The following ITPK1 variants were observed in gnomAD, a reference collection of about 807,000 sequenced individuals.
ITPK1 encodes the protein inositol-tetrakisphosphate 1-kinase.
ITPK1 carries 21 observed loss-of-function variants against 45.3 expected under a neutral mutation model. The ratio of observed to expected loss-of-function variants is 0.46; its 90% CI spans 0.33 to 0.67. ITPK1 has a LOEUF of 0.67. Ranked by LOEUF, ITPK1 falls within the 30% of genes least tolerant of loss-of-function variation. The pLI, the probability that ITPK1 is intolerant of heterozygous loss-of-function variation, is 0.02. For synonymous variants in ITPK1, 258 were observed against 253.6 expected (o/e 1.02, Z -0.16); for missense variants, 474 against 573.5 (o/e 0.83, Z 1.77).
chr14:93,001,682 A>G (rs1887361573), intron 4 of ITPK1, among the ~76,000 whole-genome samples: 1 of 152,226 alleles, frequency 6.6e-6, no homozygotes, highest in Admixed American at 6.5e-5. Flanking sequence ...TACCCTTGAC[A>G]GAAGAACTGA....
rs2139680160 is a variant in ITPK1 at position 92,936,921 on chromosome 14, G to A, written c.*4640C>T. The A allele has an allele frequency of 6.6e-6, 1 of 152,272 alleles. No homozygotes were observed. The highest frequency in any genetic ancestry group is 2.1e-4 in the South Asian group (1 of 4,828). The allele number at this position is 152,272 out of a possible 1,614,324, so 9.4% of individuals were successfully genotyped here. A position where few individuals can be genotyped will look rare whatever the true frequency, so the allele number is the denominator to read the frequency against. ...ACAGAAGGACACCCTCCGAACGGCT[G>A]GCGCTATTGTTTATTTCTTCATGTT... On this transcript the variant is annotated 3_prime_UTR_variant, in exon 11 of 11. Transcript: ENST00000267615.
chr14:92,958,465 C>T lies in ITPK1; in HGVS notation c.505-99G>A, dbSNP rs1447713793. On this transcript the variant is annotated intron_variant, in intron 7 of 10. Coordinates refer to ENST00000267615, the MANE Select transcript of ITPK1 (RefSeq NM_014216.6). The surrounding 1 kb of genome is among the most constrained non-coding windows in gnomAD (Gnocchi z 4.4). ...CTGTCCAGAGCACCTCCACCAAGGC[C>T]CATCCCTGGTCCTGTGGCATGAGGA... The T allele has an allele frequency of 8.5e-7, 1 of 1,177,754 alleles. No individual in the cohort carries two copies. Among genetic ancestry groups the T allele is most frequent in the Non-Finnish European group, 1.2e-6 (1 of 812,490 alleles). The allele number at this position is 1,177,754 out of a possible 1,614,324, so 73.0% of individuals were successfully genotyped here.
At chr14:93,040,028 C>T (rs1253509300) in intron 3 of ITPK1, among the ~76,000 whole-genome samples, 2 of 152,258 alleles carry the variant, frequency 1.3e-5, no homozygotes, top group Non-Finnish European at 2.9e-5. Flanking sequence ...CTGGGAGGCA[C>T]CCCACCTCCA....
intron 2 of ITPK1, among the ~76,000 whole-genome samples, chr14:93,097,408 G>A (rs1892122081): frequency 6.6e-6 from 1 of 152,158 alleles, no homozygotes; most frequent in Non-Finnish European, 1.5e-5. Flanking sequence ...CAAGAAGGAG[G>A]CCAGGTCATG....
rs551826450 is a variant in ITPK1, at chr14:92,941,713, T to C, written c.1093A>G (p.Met365Val). ...CSASPGCCGS[M>V]MGQDAPWKAE... ...TTCCAGGGCGCGTCCTGGCCCATCA[T>C]GCTGCCGCAGCAGCCGGGGCTGGCG... Residue 365 changes from methionine to valine, a missense_variant, in exon 11 of 11, where the codon ATG (methionine) becomes GTG (valine). Around this residue, in one of 2 missense-constraint regions of ITPK1, gnomAD observed 107 missense variants for 92.9 expected, o/e 1.15. Transcript: ENST00000267615. 1.3e-5 allele frequency: 21 copies of C among 1,575,262 alleles called. No individual in the cohort carries two copies. In the African/African-American group the frequency reaches 1.6e-4, roughly 12 times the overall value.
At chr14:93,031,800 T>C (rs1469097580) in intron 3 of ITPK1, among the ~76,000 whole-genome samples, 1 of 152,216 alleles carries the variant, frequency 6.6e-6, no homozygotes, top group Non-Finnish European at 1.5e-5. Flanking sequence ...CATATTTCAA[T>C]GTTTGCTTTA....
rs1262544449 is a variant in ITPK1 at position 93,012,647 on chromosome 14, G to A, written c.246+4029C>T. Among the ~76,000 whole-genome samples, 2 of 152,156 alleles carry A rather than the reference G, an allele frequency of 1.3e-5. No individual in the cohort carries two copies. The highest frequency in any genetic ancestry group is 1.5e-5 in the Non-Finnish European group (1 of 68,014). ...CCTGCTGGCCTCTCCTCCTGGCCAG[G>A]AGCTCGCGGGCAGGGCACCCAGCAG... On this transcript the variant is annotated intron_variant, in intron 4 of 10. Transcript: ENST00000267615. This position sits in a 1 kb window ranked among gnomAD's most constrained non-coding sequence, Gnocchi z 4.9.
chr14:92,962,869 T>C lies in ITPK1; in HGVS notation c.365-20A>G, dbSNP rs775830614. 1 of 1,574,718 alleles carries C rather than the reference T, an allele frequency of 6.4e-7. No homozygotes were observed. Among genetic ancestry groups the C allele is most frequent in the East Asian group, 2.2e-5 (1 of 44,660 alleles). ...TGTCGTCTAGGGCAGAAGGGAGGCC[T>C]GGTCAGCACAGCTCCTGGGCAGCCG... On this transcript the variant is annotated intron_variant, in intron 5 of 10. Transcript: ENST00000267615.
chr14:93,048,606 G>A (rs1032977802), intron 3 of ITPK1, among the ~76,000 whole-genome samples: 2 of 152,188 alleles, frequency 1.3e-5, no homozygotes, highest in African/African-American at 2.4e-5. Flanking sequence ...ATCTGGAAGC[G>A]GGGAAGAAGG....
chr14:93,114,932 C>G (rs1347000572), intron 2 of ITPK1, 137 bp downstream of exon 2: 4 of 512,556 alleles, frequency 7.8e-6, no homozygotes, highest in Non-Finnish European at 1.3e-5. Flanking sequence ...TGCTCGGACT[C>G]AGTCTCCCCG....
chr14:92,971,316 C>A (rs1387524909), intron 5 of ITPK1, among the ~76,000 whole-genome samples: 1 of 152,242 alleles, frequency 6.6e-6, no homozygotes, highest in Non-Finnish European at 1.5e-5. Context: ...TCAGTTACCT[C>A]ACTATGCCTC....
intron 3 of ITPK1, among the ~76,000 whole-genome samples, chr14:93,054,268 C>T (rs1027084571): frequency 2.0e-5 from 3 of 152,206 alleles, no homozygotes; most frequent in Admixed American, 1.3e-4. Context: ...GTGCCTGGCA[C>T]AGGGCAAACA....
At chr14:92,986,728 T>C (rs974747780) in intron 5 of ITPK1, among the ~76,000 whole-genome samples, 1 of 152,150 alleles carries the variant, frequency 6.6e-6, no homozygotes, top group Non-Finnish European at 1.5e-5. Flanking sequence ...GTCCCTGCCA[T>C]GGTCTTAAAG....
intron 4 of ITPK1, among the ~76,000 whole-genome samples, chr14:92,997,031 T>A (rs1887088875): frequency 6.6e-6 from 1 of 152,326 alleles, no homozygotes; most frequent in African/African-American, 2.4e-5. Flanking sequence ...ACTTGAAGGC[T>A]GCACAGGGGA....
intron 3 of ITPK1, among the ~76,000 whole-genome samples, chr14:93,019,887 C>T (rs573365193): frequency 6.6e-6 from 1 of 152,328 alleles, no homozygotes; most frequent in South Asian, 2.1e-4. Flanking sequence ...GGTTGTCATT[C>T]TGCTTTTCTG....
chr14:93,115,666 GCCCGGGT>G (rs1365916577), intron 1 of ITPK1, 99 bp downstream of exon 1: 12 of 147,786 alleles, frequency 8.1e-5, no homozygotes, highest in Admixed American at 3.3e-4. Flanking sequence ...TCCTCCTCCC[GCCCGGGT>G]CCTCGCCCTC....
chr14:92,966,532 T>C (rs557910045), intron 5 of ITPK1, among the ~76,000 whole-genome samples: 153 of 152,302 alleles, frequency 1.0e-3, no homozygotes, highest in African/African-American at 3.4e-3. Flanking sequence ...AATTGATCTA[T>C]AGACTCAATA....
intron 5 of ITPK1, among the ~76,000 whole-genome samples, chr14:92,982,028 C>T (rs1886259751): frequency 6.6e-6 from 1 of 152,246 alleles, no homozygotes; most frequent in Non-Finnish European, 1.5e-5. Flanking sequence ...GGCAGTATGA[C>T]AGGAGACGCC....
At chr14:93,060,614 G>T (rs1890477283) in intron 3 of ITPK1, among the ~76,000 whole-genome samples, 1 of 152,218 alleles carries the variant, frequency 6.6e-6, no homozygotes, top group African/African-American at 2.4e-5. Context: ...GGCTGATTGT[G>T]TGGTAGCCTT....
Sources: gnomAD v4.1 joint callset for allele counts (sites outside exome capture counted in the v4.1 genomes callset) on GRCh38, gnomAD v4.1.1 for gene constraint, gnomAD v4.1.1 regional missense constraint, Gnocchi (gnomAD v3.1) non-coding constraint, MANE v1.5 for transcripts, NCBI Gene and HGNC (gene_info 2026-07-23, HGNC 2026-07-21) for gene names.